SYNJ2: variants seen among roughly 807,000 people sequenced by gnomAD.
SYNJ2 encodes synaptojanin 2.
A neutral mutation model predicts 141.3 loss-of-function variants in SYNJ2; 116 were observed. That is an observed-to-expected ratio of 0.82 (90% CI 0.71 to 0.96). The LOEUF (loss-of-function observed/expected upper bound fraction) is 0.96, where lower values mean the gene tolerates loss of function less well. SYNJ2 is among the 40% of genes least tolerant of loss of function. The pLI is 0.00. For synonymous variants in SYNJ2, 745 were observed against 777.7 expected (o/e 0.96, Z 0.70); for missense variants, 1,873 against 1,934.8 (o/e 0.97, Z 0.60).
intron 18 of SYNJ2, among the ~76,000 whole-genome samples, chr6:158,080,233 G>C (rs541112849): frequency 2.1e-4 from 32 of 152,260 alleles, no homozygotes; most frequent in African/African-American, 7.5e-4. Flanking sequence ...CCAGCACTTT[G>C]GGAGGCTGAG....
rs545829543 is a variant in SYNJ2, at chr6:158,016,505, T to A, written c.128-699T>A. Among the ~76,000 whole-genome samples, 5 of 152,264 alleles carry A rather than the reference T, an allele frequency of 3.3e-5. No individual in the cohort carries two copies. The East Asian group carries it at 9.7e-4, about 29-fold the overall frequency. ...AAGGTTCATCTATCTTTGTATTTTGTTCTGTGCACTTAAAACATTATTCTG... is the reference window on the plus strand; with the variant it reads ...AAGGTTCATCTATCTTTGTATTTTGATCTGTGCACTTAAAACATTATTCTG... On this transcript the variant is annotated intron_variant, in intron 1 of 26. Coordinates refer to ENST00000355585, the MANE Select transcript of SYNJ2 (RefSeq NM_003898.4).
Position 157,982,728 on chromosome 6 carries a change from G to A in SYNJ2, c.127+640G>A, listed in dbSNP as rs1005532657. On this transcript the variant is annotated intron_variant, in intron 1 of 26. Coordinates refer to ENST00000355585, the MANE Select transcript of SYNJ2 (RefSeq NM_003898.4). This position sits in a 1 kb window ranked among gnomAD's most constrained non-coding sequence, Gnocchi z 4.0. Reference sequence around the variant, plus strand: ...GGCATTGTGCTATGGGCTTTAGTACGTGATCTCACTTAATTCTCACAATTC... The same window carrying A: ...GGCATTGTGCTATGGGCTTTAGTACATGATCTCACTTAATTCTCACAATTC... 6.6e-6 allele frequency among the ~76,000 whole-genome samples: 1 copy of A among 152,168 alleles called. No homozygotes were observed. The highest frequency in any genetic ancestry group is 2.4e-5 in the African/African-American group (1 of 41,440).
chr6:158,093,764 G>A (rs1425330455), intron 26 of SYNJ2: 2 of 674,512 alleles, frequency 3.0e-6, no homozygotes, highest in African/African-American at 1.8e-5. Flanking sequence ...TCTGTGTTGT[G>A]TGCACATGGT....
chr6:158,034,947 C>G (rs1045269165), intron 4 of SYNJ2, among the ~76,000 whole-genome samples: 14 of 152,284 alleles, frequency 9.2e-5, no homozygotes, highest in African/African-American at 3.4e-4. Context: ...AATCCTTTTC[C>G]CATTGCTTGT....
Position 157,989,427 on chromosome 6 carries a change from AATATATATATATATATATATATAT to A in SYNJ2, c.127+7356_127+7379del, listed in dbSNP as rs34948131. Among the ~76,000 whole-genome samples the A allele has an allele frequency of 2.6e-3, 249 of 96,302 alleles. 5 individuals are homozygous for A. Among genetic ancestry groups the A allele is most frequent in the East Asian group, 0.014 (40 of 2,832 alleles). The allele number at this position is 96,302 out of a possible 152,430, so 63.2% of individuals were successfully genotyped here. A position where few individuals can be genotyped will look rare whatever the true frequency, so the allele number is the denominator to read the frequency against. On this transcript the variant is annotated intron_variant, in intron 1 of 26. Transcript: ENST00000355585. The stretch of plus-strand genomic sequence containing the variant: ...AATCTCATTCTTATGTAAAAAAATG[AATATATATATATATATATATATAT>A]ATATATATATATATATGGAAAAAGA...
At chr6:158,067,854 G>A in intron 12 of SYNJ2, 5 of 985,256 alleles carry the variant, frequency 5.1e-6, no homozygotes, top group Non-Finnish European at 6.0e-6. Context: ...AGCCATTCAG[G>A]ATGCCCTCCG....
rs531113190 is a variant in SYNJ2, at chr6:158,071,429, C to T, written c.1941-173C>T. ...GCAGCGGTGGGCAGCAGGAGGGAGG[C>T]GGCCTCCTGACCAGGAGTCGATGAC... On this transcript the variant is annotated intron_variant, in intron 14 of 26. Transcript: ENST00000355585. The surrounding 1 kb of genome is among the most constrained non-coding windows in gnomAD (Gnocchi z 4.3). Among the ~76,000 whole-genome samples the T allele has an allele frequency of 2.6e-5, 4 of 152,112 alleles. No individual in the cohort carries two copies. The highest frequency in any genetic ancestry group is 2.1e-4 in the South Asian group (1 of 4,812).
intron 2 of SYNJ2, chr6:158,017,944 G>C: frequency 2.7e-6 from 1 of 374,396 alleles, no homozygotes; most frequent in Non-Finnish European, 5.4e-6. Flanking sequence ...TCTGCCCAGG[G>C]CATTGTCCGC....
chr6:158,055,886 A>T (rs1470260280), intron 6 of SYNJ2, among the ~76,000 whole-genome samples: 1 of 152,226 alleles, frequency 6.6e-6, no homozygotes. Context: ...AGTATAGACA[A>T]GACCATTGCC....
At chr6:158,062,262 G>A (rs1245188622) in intron 8 of SYNJ2, 98 bp downstream of exon 8, 24 of 1,541,366 alleles carry the variant, frequency 1.6e-5, no homozygotes, top group Admixed American at 1.1e-4. Context: ...TGGGTGAGGC[G>A]GCAGAGGGGC....
intron 24 of SYNJ2, among the ~76,000 whole-genome samples, chr6:158,089,533 C>A (rs1289100536): frequency 6.6e-6 from 1 of 151,326 alleles, no homozygotes; most frequent in Non-Finnish European, 1.5e-5. Flanking sequence ...GAAAGAGTGG[C>A]CTCTTATTTT....
In SYNJ2 at chr6:158,095,229, C is replaced by T. The variant is rs566892645; in HGVS notation, c.3745-389C>T. 1.9e-4 allele frequency among the ~76,000 whole-genome samples: 29 copies of T among 152,000 alleles called. No homozygotes were observed. The East Asian group carries it at 5.4e-3, about 28-fold the overall frequency. On this transcript the variant is annotated intron_variant, in intron 26 of 26. Coordinates refer to ENST00000355585, the MANE Select transcript of SYNJ2 (RefSeq NM_003898.4). ...TATGTTGTAACACAAGTTACTTCAC[C>T]CTAGCATGATACAGACCATGAATCA...
rs758563652 is a variant in SYNJ2, at chr6:158,063,791, T to C, written c.1128T>C (p.Arg376=). 9 of 1,612,086 alleles carry C rather than the reference T, an allele frequency of 5.6e-6. No individual in the cohort carries two copies. The highest frequency in any genetic ancestry group is 7.6e-6 in the Non-Finnish European group (9 of 1,178,794). Residue 376 remains arginine (R), a splice_region_variant and synonymous_variant, in exon 9 of 27, where the codon CGT becomes CGC. Coordinates refer to ENST00000355585, the MANE Select transcript of SYNJ2 (RefSeq NM_003898.4). ...CGTTTACATTTCTTCTTGTCCTAAGTTTTCAGAAAGGCACTTTGCGGATGA... is the reference window on the plus strand; with the variant it reads ...CGTTTACATTTCTTCTTGTCCTAAGCTTTCAGAAAGGCACTTTGCGGATGA... ...VFTKGENVSP[R]FQKGTLRMNC...
At chr6:158,028,279 T>C (rs1779164565) in intron 2 of SYNJ2, 1 of 170,630 alleles carries the variant, frequency 5.9e-6, no homozygotes, top group Non-Finnish European at 1.3e-5. Flanking sequence ...GCCACTCCTG[T>C]GATGGAGTGG....
At chr6:158,020,689 T>G (rs1412324854) in intron 2 of SYNJ2, among the ~76,000 whole-genome samples, 1 of 151,116 alleles carries the variant, frequency 6.6e-6, no homozygotes, top group Non-Finnish European at 1.5e-5. Context: ...TGTGACTCCA[T>G]GTATGTGACC....
chr6:157,984,892 T>A (rs1278893126), intron 1 of SYNJ2, among the ~76,000 whole-genome samples: 1 of 152,170 alleles, frequency 6.6e-6, no homozygotes, highest in Non-Finnish European at 1.5e-5. Flanking sequence ...CAGTTAGTAA[T>A]GAGAGGCTGA....
intron 1 of SYNJ2, among the ~76,000 whole-genome samples, chr6:158,006,335 G>A (rs1367188358): frequency 3.3e-5 from 5 of 151,990 alleles, no homozygotes; most frequent in Non-Finnish European, 5.9e-5. Flanking sequence ...CCCCATTCAG[G>A]TTTTTGCCCC....
At chr6:158,061,563 C>T (rs1252883575) in intron 7 of SYNJ2, among the ~76,000 whole-genome samples, 2 of 152,148 alleles carry the variant, frequency 1.3e-5, no homozygotes, top group African/African-American at 2.4e-5. Context: ...AGGATGGGGC[C>T]GGTTACTAGG....
intron 1 of SYNJ2, among the ~76,000 whole-genome samples, chr6:158,015,803 C>T (rs1313360837): frequency 1.3e-5 from 2 of 152,118 alleles, no homozygotes; most frequent in African/African-American, 4.8e-5. Flanking sequence ...AACTAGATTT[C>T]AATAAGATTG....
Sources: allele counts gnomAD v4.1 joint callset (sites outside exome capture counted in the v4.1 genomes callset), GRCh38; gene constraint gnomAD v4.1.1; non-coding constraint Gnocchi (gnomAD v3.1); transcripts MANE v1.5; gene names NCBI Gene and HGNC (gene_info 2026-07-23, HGNC 2026-07-21).